LANCL2: variants seen among roughly 807,000 people sequenced by gnomAD.
LANCL2 encodes the protein lanC-like protein 2.
In LANCL2, 33 loss-of-function variants were observed where a neutral mutation model predicts 56.9. That is an observed-to-expected ratio of 0.58 (90% CI 0.44 to 0.78). The LOEUF (loss-of-function observed/expected upper bound fraction) is 0.78. LANCL2 is among the 30% of genes least tolerant of loss of function. The pLI is 0.00. For missense variants in LANCL2, 562 were observed against 580.2 expected (o/e 0.97, Z 0.32); for synonymous variants, 233 against 228.2 (o/e 1.02, Z -0.19).
chr7:55,402,742 GAC>G, intron 5 of LANCL2, among the ~76,000 whole-genome samples: 1 of 126,324 alleles, frequency 7.9e-6, no homozygotes, highest in Non-Finnish European at 1.8e-5. Flanking sequence ...GCCGGGCGGA[GAC>G]GCTCCTCACT....
At chr7:55,379,726 C>A (rs1394069906) in intron 1 of LANCL2, 2 of 152,608 alleles carry the variant, frequency 1.3e-5, no homozygotes, top group African/African-American at 4.8e-5. Context: ...GGATGGAGAA[C>A]CAGACAGTTA....
chr7:55,390,066 T>C (rs1790167933), intron 1 of LANCL2, among the ~76,000 whole-genome samples: 1 of 152,164 alleles, frequency 6.6e-6, no homozygotes, highest in Admixed American at 6.5e-5. Context: ...TCAGTAGAAT[T>C]TGCCCTCAAA....
At chr7:55,413,636 G>A (rs1790495030) in intron 6 of LANCL2, among the ~76,000 whole-genome samples, 1 of 152,240 alleles carries the variant, frequency 6.6e-6, no homozygotes, top group South Asian at 2.1e-4. Flanking sequence ...AGCCAGCACG[G>A]CTCTGCCACT....
chr7:55,386,569 C>T (rs1054795093), intron 1 of LANCL2, among the ~76,000 whole-genome samples: 8 of 152,098 alleles, frequency 5.3e-5, no homozygotes, highest in African/African-American at 1.7e-4. Flanking sequence ...GGTGTCTGGT[C>T]GTAAGTTGGG....
chr7:55,390,352 TC>T (rs2128992679), intron 1 of LANCL2, among the ~76,000 whole-genome samples: 1 of 152,256 alleles, frequency 6.6e-6, no homozygotes, highest in East Asian at 1.9e-4. Context: ...ATGCCTATAA[TC>T]CCAGCACTTT....
At chr7:55,400,478 CTAGTT>C (rs1790308985) in intron 4 of LANCL2, among the ~76,000 whole-genome samples, 1 of 152,168 alleles carries the variant, frequency 6.6e-6, no homozygotes, top group Non-Finnish European at 1.5e-5. Context: ...AGGACCAAGG[CTAGTT>C]TAGCCCCTCA....
At chr7:55,409,927 A>G (rs1334003123) in intron 5 of LANCL2, among the ~76,000 whole-genome samples, 2 of 152,248 alleles carry the variant, frequency 1.3e-5, no homozygotes. Flanking sequence ...ATATTTGCAT[A>G]GTATAGTCTG....
chr7:55,380,903 T>C (rs987423291), intron 1 of LANCL2, among the ~76,000 whole-genome samples: 3 of 146,990 alleles, frequency 2.0e-5, no homozygotes, highest in African/African-American at 7.5e-5. Flanking sequence ...GGTGTTTTGC[T>C]CTTTTTCGCC....
intron 1 of LANCL2, among the ~76,000 whole-genome samples, chr7:55,381,140 G>T (rs531835627): frequency 8.5e-5 from 13 of 152,172 alleles, no homozygotes; most frequent in African/African-American, 2.9e-4. Flanking sequence ...CAAAGTGCTG[G>T]GATTACAGGC....
chr7:55,419,602 A>G (rs1194833409), intron 6 of LANCL2, among the ~76,000 whole-genome samples: 2 of 151,934 alleles, frequency 1.3e-5, no homozygotes, highest in Admixed American at 6.6e-5. Context: ...GGATTTCACC[A>G]TGTAGGCCAG....
In LANCL2 at chr7:55,370,479, A is replaced by G. The variant is rs144100700; in HGVS notation, c.204+4250A>G. On this transcript the variant is annotated intron_variant, in intron 1 of 8. Transcript: ENST00000254770. ...GGCTGAAATCTTGAACTTGTCAGAG[A>G]GGTCATTGCCATACCTCATTGGTTG... Among the ~76,000 whole-genome samples the G allele has an allele frequency of 4.6e-5, 7 of 152,338 alleles. No individual in the cohort carries two copies. The East Asian group carries it at 1.4e-3, about 29-fold the overall frequency.
rs1790651816 is a variant in LANCL2, at chr7:55,425,234, T to C, written c.1009-20T>C. 1.9e-6 allele frequency: 3 copies of C among 1,610,190 alleles called. No homozygotes were observed. Among genetic ancestry groups the C allele is most frequent in the Non-Finnish European group, 8.5e-7 (1 of 1,177,224 alleles). Reference sequence around the variant, plus strand: ...GTTGAAACTGTCTTTTTAACACTGCTTTGTTTTTAATTTGCCCAGGTCTTT... The same window carrying C: ...GTTGAAACTGTCTTTTTAACACTGCCTTGTTTTTAATTTGCCCAGGTCTTT... On this transcript the variant is annotated intron_variant, in intron 6 of 8. Coordinates refer to ENST00000254770, the MANE Select transcript of LANCL2 (RefSeq NM_018697.4).
At position 55,411,947 on chromosome 7, in the gene LANCL2, T is replaced by G. The variant is rs779144457; in HGVS notation, c.866T>G (p.Val289Gly). 3.1e-6 allele frequency: 5 copies of G among 1,613,964 alleles called. No homozygotes were observed. The highest frequency in any genetic ancestry group is 3.4e-6 in the Non-Finnish European group (4 of 1,179,928). The change falls in exon 6 of 9, where the codon GTG becomes GGG. Residue 289 changes from valine (V) to glycine (G), a missense_variant. Physicochemically the swap from Val to Gly is moderately radical, Grantham distance 109 (BLOSUM62 -3). Transcript: ENST00000254770. ...KVDQETLTEM[V>G]KPSIDYVRHK... ...GACCAAGAAACCTTGACAGAAATGG[T>G]GAAACCCAGTATTGATTATGTGCGC...
At chr7:55,369,983 T>TA (rs1409947391) in intron 1 of LANCL2, among the ~76,000 whole-genome samples, 19 of 152,268 alleles carry the variant, frequency 1.2e-4, no homozygotes, top group Middle Eastern at 3.4e-3. Context: ...TATAAACACT[T>TA]ACGATCTCAT....
intron 1 of LANCL2, among the ~76,000 whole-genome samples, chr7:55,381,561 A>G (rs923735601): frequency 3.9e-5 from 6 of 152,378 alleles, no homozygotes; most frequent in African/African-American, 9.6e-5. Flanking sequence ...ACAAATTAAC[A>G]TTCCAGATGC....
At chr7:55,425,550 T>C in intron 7 of LANCL2, 120 bp downstream of exon 7, 1 of 884,696 alleles carries the variant, frequency 1.1e-6, no homozygotes, top group Non-Finnish European at 1.7e-6. Flanking sequence ...TGTAGCTTCC[T>C]CTTTTTCTTC....
chr7:55,416,279 T>C (rs1174214587), intron 6 of LANCL2, among the ~76,000 whole-genome samples: 1 of 151,952 alleles, frequency 6.6e-6, no homozygotes, highest in African/African-American at 2.4e-5. Context: ...TCTCTTCATA[T>C]CTTCTTCTTA....
intron 1 of LANCL2, among the ~76,000 whole-genome samples, chr7:55,369,503 TG>T (rs1789913543): frequency 6.6e-6 from 1 of 152,218 alleles, no homozygotes; most frequent in African/African-American, 2.4e-5. Context: ...TTTACAATAT[TG>T]GGCCAATATT....
At chr7:55,369,848 T>TGAA (rs1480471433) in intron 1 of LANCL2, among the ~76,000 whole-genome samples, 1 of 152,194 alleles carries the variant, frequency 6.6e-6, no homozygotes, top group African/African-American at 2.4e-5. Flanking sequence ...AAGAGAACTC[T>TGAA]GAAGAGTGTA....
Sources: allele counts gnomAD v4.1 joint callset (sites outside exome capture counted in the v4.1 genomes callset), GRCh38; gene constraint gnomAD v4.1.1; transcripts MANE v1.5; gene names NCBI Gene and HGNC (gene_info 2026-07-23, HGNC 2026-07-21).